PTPRG: variants seen among roughly 807,000 people sequenced by gnomAD.
PTPRG encodes protein tyrosine phosphatase receptor type G.
A neutral mutation model predicts 165.3 loss-of-function variants in PTPRG; 102 were observed. The observed-to-expected ratio is 0.62, with a 90% CI of 0.53 to 0.73. The LOEUF is 0.73. PTPRG is among the 30% of genes least tolerant of loss of function. The probability of loss-of-function intolerance (pLI) is 0.00; values close to 1 mark genes in which losing one functional copy is unlikely to be tolerated. For synonymous variants in PTPRG, 675 were observed against 669.5 expected, an observed-to-expected ratio of 1.01 and a Z score of -0.13; for missense variants, 1,866 against 1,861.4, an observed-to-expected ratio of 1.00 and a Z score of -0.05.
intron 6 of PTPRG, among the ~76,000 whole-genome samples, chr3:62,140,587 C>T (rs139797722): frequency 6.6e-6 from 1 of 152,234 alleles, no homozygotes; most frequent in East Asian, 1.9e-4. Flanking sequence ...TGGTTCATGC[C>T]TGTAATCCCA....
intron 1 of PTPRG, among the ~76,000 whole-genome samples, chr3:61,680,626 A>T (rs990175225): frequency 2.6e-5 from 4 of 151,418 alleles, no homozygotes; most frequent in Admixed American, 1.3e-4. Flanking sequence ...TACAAAAAAA[A>T]TAGGAGATCA....
intron 1 of PTPRG, among the ~76,000 whole-genome samples, chr3:61,739,668 G>T (rs1240083448): frequency 6.6e-6 from 1 of 152,226 alleles, no homozygotes; most frequent in Non-Finnish European, 1.5e-5. Flanking sequence ...ACATGAGCCT[G>T]TGTATTGATG....
In PTPRG at chr3:61,671,138, C is replaced by CT. The variant is rs11356444; in HGVS notation, c.86-77721dup. ...CTTCTCCTGATACTGTATGAACTTT[C>CT]TTTTTTTTTTTTTTTTTTTAATTGA... On this transcript the variant is annotated intron_variant, in intron 1 of 29. Transcript: ENST00000474889. 8.9e-3 allele frequency among the ~76,000 whole-genome samples: 1,108 copies of CT among 124,982 alleles called. 13 individuals carry two copies. The highest frequency in any genetic ancestry group is 0.025 in the African/African-American group (859 of 33,740). The allele number at this position is 124,982 out of a possible 152,430, so 82.0% of individuals were successfully genotyped here. A position where few individuals can be genotyped will look rare whatever the true frequency, so the allele number is the denominator to read the frequency against.
In PTPRG at chr3:62,116,295, G is replaced by A. The variant is rs373043833; in HGVS notation, c.616-16307G>A. Among the ~76,000 whole-genome samples the A allele has an allele frequency of 3.9e-5, 6 of 152,278 alleles. No individual in the cohort carries two copies. The East Asian group carries it at 1.2e-3, about 29-fold the overall frequency. ...TTTGGAAAAAGTTAAAATTCAGCAT[G>A]ATTGCTGTGCTGCCTCCTTTCCTGA... On this transcript the variant is annotated intron_variant, in intron 5 of 29. Transcript: ENST00000474889.
intron 2 of PTPRG, among the ~76,000 whole-genome samples, chr3:61,933,164 G>C (rs2039402938): frequency 6.6e-6 from 1 of 152,128 alleles, no homozygotes; most frequent in Non-Finnish European, 1.5e-5. Context: ...GGAAATAGTG[G>C]AGCTGGGGTC....
intron 1 of PTPRG, among the ~76,000 whole-genome samples, chr3:61,719,985 C>A (rs933081254): frequency 6.6e-6 from 1 of 152,196 alleles, no homozygotes; most frequent in African/African-American, 2.4e-5. Context: ...CAGTGCAGTC[C>A]TGACTTGTCC....
At chr3:62,104,504 A>C (rs1702406319) in intron 5 of PTPRG, among the ~76,000 whole-genome samples, 1 of 152,128 alleles carries the variant, frequency 6.6e-6, no homozygotes, top group African/African-American at 2.4e-5. Flanking sequence ...TCTTGACTTT[A>C]TTTATTTGCT....
chr3:62,050,541 G>T (rs1208662443), intron 4 of PTPRG, among the ~76,000 whole-genome samples: 1 of 152,220 alleles, frequency 6.6e-6, no homozygotes, highest in Non-Finnish European at 1.5e-5. Context: ...TTTGAAAGTT[G>T]CTTGAGAGAT....
At chr3:61,947,293 A>G (rs73842158) in intron 2 of PTPRG, among the ~76,000 whole-genome samples, 3,415 of 152,334 alleles carry the variant, frequency 0.022, 111 homozygotes, top group African/African-American at 0.075. Flanking sequence ...ATTGACAACA[A>G]TTTATGAAAC....
chr3:61,981,443 A>T (rs1274922963), intron 2 of PTPRG, among the ~76,000 whole-genome samples: 1 of 152,212 alleles, frequency 6.6e-6, no homozygotes. Flanking sequence ...ATTGCCATAT[A>T]TTAGTCAAGT....
intron 3 of PTPRG, 40 bp downstream of exon 3, chr3:61,989,844 A>T (rs2040843004): frequency 2.5e-6 from 4 of 1,604,314 alleles, no homozygotes; most frequent in Non-Finnish European, 3.4e-6. Context: ...GAGCAACAGG[A>T]ACTATTTTTG....
intron 4 of PTPRG, among the ~76,000 whole-genome samples, chr3:62,077,774 C>G (rs1277433255): frequency 2.6e-5 from 4 of 151,960 alleles, no homozygotes; most frequent in South Asian, 2.1e-4. Context: ...GAGGCCAAAG[C>G]AAGCAGATCA....
At chr3:61,805,163 T>G (rs1478090230) in intron 2 of PTPRG, among the ~76,000 whole-genome samples, 2 of 152,108 alleles carry the variant, frequency 1.3e-5, no homozygotes, top group Non-Finnish European at 2.9e-5. Flanking sequence ...GTTCTCAATT[T>G]GGGGCTATTT....
chr3:61,804,035 A>T (rs1368606770), intron 2 of PTPRG, among the ~76,000 whole-genome samples: 1 of 152,200 alleles, frequency 6.6e-6, no homozygotes. Flanking sequence ...AAAGAGTGGA[A>T]TGCAGGTTCG....
At chr3:62,280,635 A>G (rs982169012) in intron 26 of PTPRG, among the ~76,000 whole-genome samples, 4 of 152,040 alleles carry the variant, frequency 2.6e-5, no homozygotes, top group African/African-American at 9.7e-5. Context: ...TAGAGCCATG[A>G]TGGAAAACTG....
Position 62,195,288 on chromosome 3 carries a change from G to T in PTPRG, c.1327+118G>T, listed in dbSNP as rs1699932195. 3.2e-6 allele frequency: 3 copies of T among 936,804 alleles called. No homozygotes were observed. Among genetic ancestry groups the T allele is most frequent in the Non-Finnish European group, 5.0e-6 (3 of 603,058 alleles). The allele number at this position is 936,804 out of a possible 1,614,324, so 58.0% of individuals were successfully genotyped here. A position where few individuals can be genotyped will look rare whatever the true frequency, so the allele number is the denominator to read the frequency against. On this transcript the variant is annotated intron_variant, in intron 10 of 29. Coordinates refer to ENST00000474889, the MANE Select transcript of PTPRG (RefSeq NM_002841.4). This position sits in a 1 kb window ranked among gnomAD's most constrained non-coding sequence, Gnocchi z 4.4. ...ACAAACAAGCCTGGCAGAAGAATCA[G>T]TGTAGGGTTTTAAAGCCTATGCGGG...
chr3:61,830,550 GGTTCTT>G (rs1280605894), intron 2 of PTPRG, among the ~76,000 whole-genome samples: 16 of 143,194 alleles, frequency 1.1e-4, no homozygotes, highest in African/African-American at 3.0e-4. Context: ...AACTGGTGAT[GGTTCTT>G]TTTGTTTTTG....
chr3:61,568,437 T>A (rs758478888), intron 1 of PTPRG, among the ~76,000 whole-genome samples: 2 of 152,226 alleles, frequency 1.3e-5, no homozygotes, highest in Non-Finnish European at 2.9e-5. Context: ...GAGGGCTTCT[T>A]GAGTGATTGT....
At chr3:61,665,137 C>A (rs67352851) in intron 1 of PTPRG, among the ~76,000 whole-genome samples, 27,427 of 152,058 alleles carry the variant, frequency 0.18, 2,680 homozygotes, top group African/African-American at 0.24. Context: ...GAAAGGAAAT[C>A]TTGTGTAGTA....
Sources: gnomAD v4.1 joint callset for allele counts (sites outside exome capture counted in the v4.1 genomes callset) on GRCh38, gnomAD v4.1.1 for gene constraint, Gnocchi (gnomAD v3.1) non-coding constraint, MANE v1.5 for transcripts, NCBI Gene and HGNC (gene_info 2026-07-23, HGNC 2026-07-21) for gene names.